The following PFKFB2 variants were observed in gnomAD, a reference collection of about 807,000 sequenced individuals.
The protein encoded by PFKFB2 is 6-phosphofructo-2-kinase/fructose-2,6-bisphosphatase 2.
A neutral mutation model predicts 68.0 loss-of-function variants in PFKFB2; 53 were observed. That is an observed-to-expected ratio of 0.78 (90% confidence interval 0.63 to 0.98). PFKFB2 has a LOEUF of 0.98. PFKFB2 is among the 50% of genes least tolerant of loss of function. The probability of loss-of-function intolerance (pLI) is 0.00; values close to 1 mark genes in which losing one functional copy is unlikely to be tolerated. For synonymous variants in PFKFB2, 222 were observed against 227.6 expected, an observed-to-expected ratio of 0.98 and a Z score of 0.22; for missense variants, 451 against 642.0, an observed-to-expected ratio of 0.70 and a Z score of 3.22.
chr1:207,063,681 TGTG>T lies in PFKFB2; in HGVS notation c.451-87_451-85del. 2 of 1,035,908 alleles carry T rather than the reference TGTG, an allele frequency of 1.9e-6. No individual in the cohort carries two copies. Among genetic ancestry groups the T allele is most frequent in the South Asian group, 2.6e-5 (2 of 78,182 alleles). The allele number at this position is 1,035,908 out of a possible 1,614,324, so 64.2% of individuals were successfully genotyped here. ...CTTTCATGAAGAAAATCCTGGGAGATGTGGTGGCTGGGTGGGGTAGATGAGCAT... is the reference window on the plus strand; with the variant it reads ...CTTTCATGAAGAAAATCCTGGGAGATGTGGCTGGGTGGGGTAGATGAGCAT... On this transcript the variant is annotated intron_variant, in intron 6 of 14. Transcript: ENST00000367080. The surrounding 1 kb of genome is among the most constrained non-coding windows in gnomAD (Gnocchi z 4.1).
chr1:207,060,605 G>C (rs561914365), intron 2 of PFKFB2, among the ~76,000 whole-genome samples: 1 of 152,222 alleles, frequency 6.6e-6, no homozygotes, highest in South Asian at 2.1e-4. Context: ...TTTTGCAGTG[G>C]GCAAGCTAAT....
rs1572741118 is a variant in PFKFB2 at position 207,076,624 on chromosome 1, T to TGCTG, written c.*4254_*4257dup. 11 of 985,456 alleles carry TGCTG rather than the reference T, an allele frequency of 1.1e-5. No individual in the cohort carries two copies. Among genetic ancestry groups the TGCTG allele is most frequent in the Non-Finnish European group, 1.3e-5 (11 of 829,890 alleles). 61.0% of individuals were successfully genotyped at this position (985,456 alleles called of 1,614,324 possible). On this transcript the variant is annotated 3_prime_UTR_variant, in exon 15 of 15. Coordinates refer to ENST00000367080, the MANE Select transcript of PFKFB2 (RefSeq NM_006212.2). ...GAGACTGTCTCTAGTTGGATCTCTG[T>TGCTG]GCTGACTGACTGACAGACAGACTTT...
At chr1:207,064,889 G>A in intron 7 of PFKFB2, 147 bp from the exon 8 acceptor site, 5 of 870,990 alleles carry the variant, frequency 5.7e-6, no homozygotes, top group Non-Finnish European at 8.5e-6. Context: ...GGGCGGGGCG[G>A]GGGGTACTCA....
chr1:207,078,538 C>T (rs991484326), downstream of PFKFB2, among the ~76,000 whole-genome samples: 1 of 152,164 alleles, frequency 6.6e-6, no homozygotes, highest in Non-Finnish European at 1.5e-5. Flanking sequence ...AGAATGGACT[C>T]GTATAACTAA....
chr1:207,074,765 G>C lies in PFKFB2; in HGVS notation c.*2394G>C, dbSNP rs61815043. 16 of 985,312 alleles carry C rather than the reference G, an allele frequency of 1.6e-5. No individual in the cohort carries two copies. The highest frequency in any genetic ancestry group is 1.9e-5 in the Non-Finnish European group (16 of 829,940). 61.0% of individuals were successfully genotyped at this position (985,312 alleles called of 1,614,324 possible). A position where few individuals can be genotyped will look rare whatever the true frequency, so the allele number is the denominator to read the frequency against. On this transcript the variant is annotated 3_prime_UTR_variant, in exon 15 of 15. Coordinates refer to ENST00000367080, the MANE Select transcript of PFKFB2 (RefSeq NM_006212.2). ...TGTCCAGAGGAAGGTTATTTTAAGA[G>C]ACAGGACATGTAATTTATAACAAAT... is the stretch of plus-strand genomic sequence containing the variant.
intron 10 of PFKFB2, 92 bp from the exon 11 acceptor site, chr1:207,069,332 C>A: frequency 1.2e-6 from 1 of 856,796 alleles, no homozygotes; most frequent in Non-Finnish European, 1.9e-6. Flanking sequence ...TACTAAGAAA[C>A]TAGCATTCTT....
At chr1:207,080,081 C>T (rs1409036207), downstream of PFKFB2, 3 of 152,150 alleles carry the variant, frequency 2.0e-5, no homozygotes, top group South Asian at 2.1e-4. Flanking sequence ...ATTAGTCATT[C>T]GCTTTTCCTT....
At chr1:207,071,357 G>A (rs915233856) in intron 13 of PFKFB2, 107 bp downstream of exon 13, 2 of 1,109,460 alleles carry the variant, frequency 1.8e-6, no homozygotes, top group Non-Finnish European at 2.8e-6. Flanking sequence ...TACCAGGGAA[G>A]CTCCATCAGT....
At chr1:207,061,165 T>TTATATATATTTATATATATCTTTATA (rs1683097941) in intron 2 of PFKFB2, among the ~76,000 whole-genome samples, 1 of 45,184 alleles carries the variant, frequency 2.2e-5, no homozygotes, top group Admixed American at 2.4e-4. Context: ...ATATATATCT[T>TTATATATATTTATATATATCTTTATA]TATATATATA....
At chr1:207,064,563 G>T (rs1274398007) in intron 7 of PFKFB2, among the ~76,000 whole-genome samples, 1 of 152,186 alleles carries the variant, frequency 6.6e-6, no homozygotes, top group Admixed American at 6.5e-5. Context: ...GTCCCCATTG[G>T]ATGGGTTGTG....
In PFKFB2 at chr1:207,054,756, C is replaced by T. The variant is rs199722325; in HGVS notation, c.39C>T (p.Ser13=). 1.3e-5 allele frequency: 21 copies of T among 1,613,932 alleles called. No homozygotes were observed. In the African/African-American group the frequency reaches 2.4e-4, roughly 18 times the overall value. Residue 13 remains serine, a synonymous_variant, in exon 2 of 15, where the codon AGC becomes AGT. Transcript: ENST00000367080. ...CTTCCTCAGAACAGAACAACAACAGCTATGAAACCAAAACCCCAAATCTTC... is the reference window on the plus strand; with the variant it reads ...CTTCCTCAGAACAGAACAACAACAGTTATGAAACCAAAACCCCAAATCTTC... ...GASSSEQNNN[S]YETKTPNLRM... is the part of the protein sequence containing the mutation.
chr1:207,052,065 G>T, upstream of PFKFB2: 3 of 793,440 alleles, frequency 3.8e-6, no homozygotes, highest in South Asian at 1.6e-5. Context: ...CATACTCATT[G>T]TTCTTTATCC....
chr1:207,049,697 G>T (rs1401081729), upstream of PFKFB2: 1 of 1,613,706 alleles, frequency 6.2e-7, no homozygotes, highest in Non-Finnish European at 8.5e-7. Flanking sequence ...GGCCTGGTTT[G>T]GTCTTCTTCA....
chr1:207,068,382 A>AGT (rs774357191), intron 10 of PFKFB2, 73 bp downstream of exon 10: 418 of 1,332,400 alleles, frequency 3.1e-4, no homozygotes, highest in Admixed American at 6.3e-4. Flanking sequence ...GTCACTATTT[A>AGT]GACAGTTTTA....
chr1:207,060,026 C>T (rs1219456422), intron 2 of PFKFB2, among the ~76,000 whole-genome samples: 2 of 152,164 alleles, frequency 1.3e-5, no homozygotes, highest in Admixed American at 6.5e-5. Context: ...TCATTGGAGC[C>T]GGCAGAGCCT....
chr1:207,063,431 G>T lies in PFKFB2; in HGVS notation c.450+10G>T. 1 of 1,600,112 alleles carries T rather than the reference G, an allele frequency of 6.2e-7. No homozygotes were observed. Among genetic ancestry groups the T allele is most frequent in the South Asian group, 1.1e-5 (1 of 90,406 alleles). On this transcript the variant is annotated intron_variant, in intron 6 of 14. Transcript: ENST00000367080. This position sits in a 1 kb window ranked among gnomAD's most constrained non-coding sequence, Gnocchi z 4.1. The stretch of plus-strand genomic sequence containing the variant: ...ACAGAATTCCTTCAAGGTAGGATCT[G>T]ACTCCATGTTGGAGGAAAAGGGATG...
rs1049417639 is a variant in PFKFB2, at chr1:207,072,682, C to T, written c.*311C>T. ...ACACTCCCTTGGGGCTGAGCATGCC[C>T]CACACTCTTGGATCTTCTCTCTGTT... On this transcript the variant is annotated 3_prime_UTR_variant, in exon 15 of 15. Transcript: ENST00000367080. The T allele has an allele frequency of 1.8e-6, 2 of 1,109,144 alleles. No individual in the cohort carries two copies. The highest frequency in any genetic ancestry group is 1.1e-6 in the Non-Finnish European group (1 of 908,458). The allele number at this position is 1,109,144 out of a possible 1,614,324, so 68.7% of individuals were successfully genotyped here.
At chr1:207,052,386 G>A (rs1682775335), upstream of PFKFB2, 5 of 621,874 alleles carry the variant, frequency 8.0e-6, no homozygotes, top group South Asian at 9.4e-5. Context: ...GGGTGGCCGG[G>A]CGCAGTGGCT....
At chr1:207,068,697 C>T (rs1026439647) in intron 10 of PFKFB2, among the ~76,000 whole-genome samples, 1 of 151,996 alleles carries the variant, frequency 6.6e-6, no homozygotes, top group African/African-American at 2.4e-5. Context: ...AAGTTTTTCC[C>T]AAAATTTCTC....
Sources: allele counts gnomAD v4.1 joint callset (sites outside exome capture counted in the v4.1 genomes callset), GRCh38; gene constraint gnomAD v4.1.1; non-coding constraint Gnocchi (gnomAD v3.1); transcripts MANE v1.5; gene names NCBI Gene and HGNC (gene_info 2026-07-23, HGNC 2026-07-21).